PCBD2: variants seen among roughly 807,000 people sequenced by gnomAD.
The protein encoded by PCBD2 is pterin-4 alpha-carbinolamine dehydratase 2, also known as pterin-4-alpha-carbinolamine dehydratase 2.
A neutral mutation model predicts 16.4 loss-of-function variants in PCBD2; 12 were observed. That is an observed-to-expected ratio of 0.73 (90% CI 0.47 to 1.19). The LOEUF (loss-of-function observed/expected upper bound fraction) is 1.19, where lower values mean the gene tolerates loss of function less well. Ranked by LOEUF, PCBD2 falls within the 50% of genes most tolerant of loss-of-function variation. The pLI, the probability that PCBD2 is intolerant of heterozygous loss-of-function variation, is 0.00. For missense variants in PCBD2, 138 were observed against 156.8 expected (o/e 0.88, Z 0.64); for synonymous variants, 58 against 61.8 (o/e 0.94, Z 0.29).
intron 2 of PCBD2, among the ~76,000 whole-genome samples, chr5:134,938,261 C>T (rs1383087765): frequency 2.0e-5 from 3 of 152,150 alleles, no homozygotes; most frequent in African/African-American, 7.2e-5. Context: ...TCATTGTTGC[C>T]ATCGACTTTG....
intron 2 of PCBD2, among the ~76,000 whole-genome samples, chr5:134,923,107 T>A (rs1056701719): frequency 1.3e-5 from 2 of 152,158 alleles, no homozygotes; most frequent in African/African-American, 4.8e-5. Context: ...TTCCCAAATT[T>A]TACAGAGGAG....
intron 2 of PCBD2, among the ~76,000 whole-genome samples, chr5:134,939,008 T>C (rs1032166191): frequency 6.6e-6 from 1 of 152,210 alleles, no homozygotes; most frequent in Non-Finnish European, 1.5e-5. Flanking sequence ...ATAGCCTTCA[T>C]ATTGTCAGAT....
chr5:134,958,369 C>G (rs1400099506), intron 2 of PCBD2, among the ~76,000 whole-genome samples: 1 of 152,214 alleles, frequency 6.6e-6, no homozygotes, highest in Non-Finnish European at 1.5e-5. Context: ...GACTGGTTTG[C>G]AGCCCTCTGC....
intron 2 of PCBD2, among the ~76,000 whole-genome samples, chr5:134,948,373 A>G (rs1466282804): frequency 6.6e-6 from 1 of 152,170 alleles, no homozygotes; most frequent in Non-Finnish European, 1.5e-5. Context: ...TGTGAACTCT[A>G]TCTAGTTAGA....
chr5:134,956,763 C>G (rs1297990665), intron 2 of PCBD2, among the ~76,000 whole-genome samples: 1 of 152,170 alleles, frequency 6.6e-6, no homozygotes, highest in African/African-American at 2.4e-5. Flanking sequence ...ATTCTCAAGC[C>G]CATGGAGAGC....
intron 2 of PCBD2, chr5:134,926,438 G>T (rs17164407): frequency 0.044 from 17,084 of 392,522 alleles, 1,167 homozygotes; most frequent in African/African-American, 0.2. Context: ...GCTAGGGTGG[G>T]TATAGTAGCG....
intron 2 of PCBD2, among the ~76,000 whole-genome samples, chr5:134,913,510 C>G (rs916007138): frequency 6.6e-6 from 1 of 152,024 alleles, no homozygotes; most frequent in South Asian, 2.1e-4. Flanking sequence ...GGCGAGGAGA[C>G]GAGGGGAAGG....
chr5:134,921,461 C>T (rs755232879), intron 2 of PCBD2, among the ~76,000 whole-genome samples: 3 of 152,058 alleles, frequency 2.0e-5, no homozygotes, highest in Middle Eastern at 3.4e-3. Flanking sequence ...TGACATAGGT[C>T]TAGGACAGGG....
At chr5:134,910,043 C>G (rs1466496075) in intron 1 of PCBD2, among the ~76,000 whole-genome samples, 1 of 152,218 alleles carries the variant, frequency 6.6e-6, no homozygotes, top group East Asian at 1.9e-4. Flanking sequence ...ACGCTCCAGC[C>G]TGGGCGACAG....
At chr5:134,940,556 G>A (rs1751213942) in intron 2 of PCBD2, among the ~76,000 whole-genome samples, 1 of 152,162 alleles carries the variant, frequency 6.6e-6, no homozygotes, top group Non-Finnish European at 1.5e-5. Flanking sequence ...CTTGAGGTAA[G>A]ATTAGGCAGA....
intron 2 of PCBD2, among the ~76,000 whole-genome samples, chr5:134,937,564 G>A (rs1580888859): frequency 6.6e-6 from 1 of 152,204 alleles, no homozygotes; most frequent in South Asian, 2.1e-4. Context: ...CTCACACAGC[G>A]GACATCCGCT....
intron 1 of PCBD2, 78 bp downstream of exon 1, chr5:134,905,301 C>A: frequency 8.6e-7 from 1 of 1,167,182 alleles, no homozygotes; most frequent in Non-Finnish European, 1.1e-6. Flanking sequence ...GGCTGAGGGA[C>A]CAGCGGGACT....
intron 2 of PCBD2, among the ~76,000 whole-genome samples, chr5:134,951,645 T>C (rs2149539795): frequency 6.6e-6 from 1 of 152,360 alleles, no homozygotes; most frequent in Admixed American, 6.5e-5. Flanking sequence ...CCTTTTCTTC[T>C]ATATCCTCAC....
chr5:134,954,141 T>G (rs1295186235), intron 2 of PCBD2, among the ~76,000 whole-genome samples: 1 of 152,082 alleles, frequency 6.6e-6, no homozygotes, highest in Non-Finnish European at 1.5e-5. Context: ...AAATTTTTTT[T>G]GTAGAGATAG....
In PCBD2 at chr5:134,913,616, C is replaced by T. The variant is rs1192842244; in HGVS notation, c.216+3150C>T. ...GGATTTCAGGCAGAGAAGTGTCATC[C>T]TGTGGCTGTGTTCTAAAAAATCACC... On this transcript the variant is annotated intron_variant, in intron 2 of 3. Coordinates refer to ENST00000254908, the MANE Select transcript of PCBD2 (RefSeq NM_032151.5). Among the ~76,000 whole-genome samples, 3 of 152,178 alleles carry T rather than the reference C, an allele frequency of 2.0e-5. No homozygotes were observed. In the East Asian group the frequency reaches 5.8e-4, roughly 29 times the overall value.
At chr5:134,929,861 T>G (rs998482014) in intron 2 of PCBD2, among the ~76,000 whole-genome samples, 3 of 152,124 alleles carry the variant, frequency 2.0e-5, no homozygotes, top group Non-Finnish European at 4.4e-5. Context: ...CTGGCTAATT[T>G]TTAAAACATT....
intron 2 of PCBD2, among the ~76,000 whole-genome samples, chr5:134,947,113 A>G (rs576885142): frequency 2.0e-5 from 3 of 148,784 alleles, no homozygotes; most frequent in East Asian, 2.0e-4. Flanking sequence ...TTTTTTTGAG[A>G]TGGAGTTTTG....
chr5:134,936,301 C>T (rs1751158214), intron 2 of PCBD2, among the ~76,000 whole-genome samples: 1 of 152,116 alleles, frequency 6.6e-6, no homozygotes, highest in Non-Finnish European at 1.5e-5. Flanking sequence ...TGTGCCCAGC[C>T]CCGGCCTCTC....
chr5:134,952,991 G>A (rs1580894159), intron 2 of PCBD2, among the ~76,000 whole-genome samples: 1 of 150,886 alleles, frequency 6.6e-6, no homozygotes, highest in East Asian at 1.9e-4. Flanking sequence ...GACTTTTAAT[G>A]TTTTGCCCTA....
Sources: gnomAD v4.1 joint callset for allele counts (sites outside exome capture counted in the v4.1 genomes callset) on GRCh38, gnomAD v4.1.1 for gene constraint, MANE v1.5 for transcripts, NCBI Gene and HGNC (gene_info 2026-07-23, HGNC 2026-07-21) for gene names.